The following MS4A4E variants were observed in gnomAD, a reference collection of about 807,000 sequenced individuals.
MS4A4E encodes the protein membrane spanning 4-domains A4E.
MS4A4E carries 23 observed loss-of-function variants against 13.3 expected under a neutral mutation model. The ratio of observed to expected loss-of-function variants is 1.73; its 90% CI spans 1.25 to 2.45. The LOEUF (loss-of-function observed/expected upper bound fraction) is 2.45, where lower values mean the gene tolerates loss of function less well. MS4A4E is among the 30% of genes most tolerant of loss of function. The pLI, the probability that MS4A4E is intolerant of heterozygous loss-of-function variation, is 0.00. For synonymous variants in MS4A4E, 36 were observed against 45.6 expected (o/e 0.79, Z 0.85); for missense variants, 144 against 131.2 (o/e 1.10, Z -0.48).
intron 3 of MS4A4E, among the ~76,000 whole-genome samples, chr11:60,220,682 C>A (rs965074037): frequency 6.6e-6 from 1 of 152,204 alleles, no homozygotes; most frequent in Non-Finnish European, 1.5e-5. Flanking sequence ...ATTCAGGGAC[C>A]TTCTACCTCA....
intron 3 of MS4A4E, among the ~76,000 whole-genome samples, chr11:60,227,247 T>A (rs868594474): frequency 7.9e-5 from 12 of 152,112 alleles, no homozygotes; most frequent in Non-Finnish European, 1.6e-4. Flanking sequence ...TTTAATGCAA[T>A]CTCCCTCAAA....
intron 2 of MS4A4E, 25 bp from the exon 3 acceptor site, chr11:60,228,652 G>A (rs1296524864): frequency 1.0e-5 from 7 of 694,302 alleles, no homozygotes; most frequent in Admixed American, 4.1e-5. Flanking sequence ...TTATAGCAAC[G>A]TTACTCCTAA....
At chr11:60,235,692 T>C (rs2084474277) in intron 1 of MS4A4E, among the ~76,000 whole-genome samples, 1 of 152,242 alleles carries the variant, frequency 6.6e-6, no homozygotes, top group East Asian at 1.9e-4. Context: ...AACTATGGGC[T>C]TTTTTGTAAT....
chr11:60,205,951 G>T (rs1157973966), intron 6 of MS4A4E, among the ~76,000 whole-genome samples, 131 bp from the exon 7 acceptor site: 1 of 152,110 alleles, frequency 6.6e-6, no homozygotes, highest in East Asian at 1.9e-4. Flanking sequence ...GGAAGGGAGA[G>T]GAAGAAGAAA....
Position 60,200,821 on chromosome 11 carries a change from G to T in MS4A4E, c.*722C>A, listed in dbSNP as rs1201300752. On this transcript the variant is annotated 3_prime_UTR_variant, in exon 9 of 9. Transcript: ENST00000651255. ...AGCTATTGGGTACACTTCCCAGATG[G>T]GGTGGTGGCCGGGCAGAGGGGCTCC... Among the ~76,000 whole-genome samples, 6 of 152,224 alleles carry T rather than the reference G, an allele frequency of 3.9e-5. No homozygotes were observed. The highest frequency in any genetic ancestry group is 7.3e-5 in the Non-Finnish European group (5 of 68,046).
At chr11:60,234,281 C>T (rs1413221389) in intron 1 of MS4A4E, among the ~76,000 whole-genome samples, 1 of 152,138 alleles carries the variant, frequency 6.6e-6, no homozygotes, top group Non-Finnish European at 1.5e-5. Flanking sequence ...ACTTTTGAGG[C>T]TATTGAAACA....
rs138530733 is a variant in MS4A4E, at chr11:60,225,744, T to A, written c.178+2850A>T. Among the ~76,000 whole-genome samples, 582 of 150,270 alleles carry A rather than the reference T, an allele frequency of 3.9e-3. 2 individuals are homozygous for A. The highest frequency in any genetic ancestry group is 6.9e-3 in the Non-Finnish European group (462 of 67,440). On this transcript the variant is annotated intron_variant, in intron 3 of 8. Transcript: ENST00000651255. ...CACCTGAGAGTCTACCTTAAGAAAC[T>A]GGAAAAAGAAAAGCAAATTAAACTC...
intron 3 of MS4A4E, among the ~76,000 whole-genome samples, chr11:60,220,394 T>A (rs1218386464): frequency 6.6e-6 from 1 of 152,188 alleles, no homozygotes; most frequent in African/African-American, 2.4e-5. Context: ...TCCATTCCTG[T>A]CTATAAGGCC....
chr11:60,242,772 C>A (rs2084566691), intron 1 of MS4A4E, among the ~76,000 whole-genome samples, 186 bp downstream of exon 1: 1 of 152,164 alleles, frequency 6.6e-6, no homozygotes, highest in African/African-American at 2.4e-5. Context: ...TGTTCCTCAA[C>A]CACCCACAAC....
At chr11:60,213,264 A>C in intron 4 of MS4A4E, 132 bp from the exon 5 acceptor site, 1 of 1,534,496 alleles carries the variant, frequency 6.5e-7, no homozygotes, top group Non-Finnish European at 8.7e-7. Context: ...TAGTGGTTTC[A>C]ACTCTGATCT....
chr11:60,235,294 T>TAGAGACAGA (rs2084469222), intron 1 of MS4A4E, among the ~76,000 whole-genome samples: 1 of 152,194 alleles, frequency 6.6e-6, no homozygotes, highest in South Asian at 2.1e-4. Flanking sequence ...AGTTTTGCCA[T>TAGAGACAGA]GTTGCCCAGG....
intron 5 of MS4A4E, among the ~76,000 whole-genome samples, 129 bp downstream of exon 5, chr11:60,212,845 T>C (rs1302239836): frequency 2.0e-5 from 3 of 152,222 alleles, no homozygotes; most frequent in African/African-American, 7.2e-5. Flanking sequence ...GATTATTCTA[T>C]TTCTCAATCA....
rs1382874988 is a variant in MS4A4E, at chr11:60,229,809, T to C, written c.144+103A>G. 3.5e-6 allele frequency: 4 copies of C among 1,152,308 alleles called. No homozygotes were observed. In the East Asian group the frequency reaches 8.1e-5, roughly 23 times the overall value. 71.4% of individuals were successfully genotyped at this position (1,152,308 alleles called of 1,614,324 possible). On this transcript the variant is annotated intron_variant, in intron 2 of 8. Transcript: ENST00000651255. ...AAATTCTGATGTTACTAGGGCTGGT[T>C]GATGTATTATGAGGCTAGCGGGACA...
intron 1 of MS4A4E, among the ~76,000 whole-genome samples, chr11:60,235,032 A>G (rs2084465752): frequency 6.6e-6 from 1 of 152,238 alleles, no homozygotes; most frequent in African/African-American, 2.4e-5. Context: ...ATAAACTTCT[A>G]ATCAAAAACT....
At position 60,228,645 on chromosome 11, in the gene MS4A4E, T is replaced by G. The variant is rs148964104; in HGVS notation, c.145-18A>C. 1.4e-6 allele frequency: 1 copy of G among 696,632 alleles called. No individual in the cohort carries two copies. The highest frequency in any genetic ancestry group is 1.7e-5 in the African/African-American group (1 of 57,290). 43.2% of individuals were successfully genotyped at this position (696,632 alleles called of 1,614,324 possible). On this transcript the variant is annotated intron_variant, in intron 2 of 8. Transcript: ENST00000651255. ...CACAAAACCTGCACACAGATATTTA[T>G]AGCAACGTTACTCCTAATTGCCAAA...
chr11:60,214,677 GA>G, intron 3 of MS4A4E, 63 bp from the exon 4 acceptor site: 1 of 1,086,048 alleles, frequency 9.2e-7, no homozygotes, highest in Non-Finnish European at 1.3e-6. Context: ...ACAAGTATTG[GA>G]AATCACAACT....
chr11:60,223,752 G>A (rs1318122363), intron 3 of MS4A4E, among the ~76,000 whole-genome samples: 1 of 152,140 alleles, frequency 6.6e-6, no homozygotes, highest in Non-Finnish European at 1.5e-5. Context: ...CGTGCTGCAT[G>A]TTTCCTACCC....
chr11:60,241,014 T>C (rs866769526), intron 1 of MS4A4E, among the ~76,000 whole-genome samples: 1,298 of 127,672 alleles, frequency 0.01, 21 homozygotes, highest in African/African-American at 0.035. Context: ...TATTTATTTA[T>C]TTATTTATTT....
intron 5 of MS4A4E, among the ~76,000 whole-genome samples, chr11:60,211,389 G>A (rs1372643490): frequency 6.6e-6 from 1 of 152,184 alleles, no homozygotes; most frequent in African/African-American, 2.4e-5. Context: ...GGTTATTTTG[G>A]TGTGACTACG....
Sources: allele counts gnomAD v4.1 joint callset (sites outside exome capture counted in the v4.1 genomes callset), GRCh38; gene constraint gnomAD v4.1.1; transcripts MANE v1.5; gene names NCBI Gene and HGNC (gene_info 2026-07-23, HGNC 2026-07-21).